ZNF385D: variants seen among roughly 807,000 people sequenced by gnomAD.
ZNF385D encodes zinc finger protein 385D.
A neutral mutation model predicts 35.8 loss-of-function variants in ZNF385D; 15 were observed. The ratio of observed to expected loss-of-function variants is 0.42; its 90% CI spans 0.28 to 0.64. ZNF385D has a LOEUF of 0.64. Ranked by LOEUF, ZNF385D falls within the 30% of genes least tolerant of loss-of-function variation. ZNF385D has a pLI of 0.23. For synonymous variants in ZNF385D, 212 were observed against 186.8 expected (o/e 1.13, Z -1.10); for missense variants, 474 against 494.6 (o/e 0.96, Z 0.39).
intron 3 of ZNF385D, among the ~76,000 whole-genome samples, chr3:22,094,422 G>A (rs1027547485): frequency 2.0e-4 from 14 of 71,238 alleles, no homozygotes; most frequent in African/African-American, 6.3e-4. Flanking sequence ...AGGCATTTGT[G>A]TCATATGAGT....
At chr3:22,023,390 A>G (rs1697338591) in intron 3 of ZNF385D, among the ~76,000 whole-genome samples, 1 of 152,192 alleles carries the variant, frequency 6.6e-6, no homozygotes, top group South Asian at 2.1e-4. Context: ...TCATGCACAT[A>G]TCATGTTTAT....
chr3:21,455,172 A>G (rs1318788851), intron 4 of ZNF385D, among the ~76,000 whole-genome samples: 3 of 152,220 alleles, frequency 2.0e-5, no homozygotes, highest in African/African-American at 7.2e-5. Flanking sequence ...AAGGTAATTT[A>G]TAGATTCAAT....
intron 4 of ZNF385D, chr3:21,441,625 A>T: frequency 1.1e-6 from 1 of 905,640 alleles, no homozygotes; most frequent in Non-Finnish European, 1.3e-6. Context: ...CTAAGGTATT[A>T]AGTTGCTTAA....
chr3:21,846,164 T>C (rs1204334346), intron 3 of ZNF385D, among the ~76,000 whole-genome samples: 1 of 152,046 alleles, frequency 6.6e-6, no homozygotes, highest in Non-Finnish European at 1.5e-5. Flanking sequence ...GATATAACTG[T>C]ACAGCTAGGG....
intron 3 of ZNF385D, among the ~76,000 whole-genome samples, chr3:22,148,304 C>T (rs1052664388): frequency 1.3e-5 from 2 of 152,302 alleles, no homozygotes; most frequent in African/African-American, 4.8e-5. Context: ...GTAGATTTGA[C>T]TTAAATAAGT....
intron 2 of ZNF385D, among the ~76,000 whole-genome samples, chr3:22,331,827 C>T (rs928614843): frequency 6.6e-6 from 1 of 152,088 alleles, no homozygotes; most frequent in Non-Finnish European, 1.5e-5. Context: ...TAATTGAATT[C>T]GTAATCATCA....
intron 3 of ZNF385D, among the ~76,000 whole-genome samples, chr3:21,841,828 A>G (rs909604026): frequency 6.6e-6 from 1 of 151,706 alleles, no homozygotes; most frequent in Non-Finnish European, 1.5e-5. Context: ...GTAAATTCGC[A>G]ATTCATACAT....
intron 3 of ZNF385D, among the ~76,000 whole-genome samples, chr3:21,761,137 T>C (rs1023019480): frequency 6.6e-6 from 1 of 152,136 alleles, no homozygotes; most frequent in African/African-American, 2.4e-5. Flanking sequence ...AGTACCAACT[T>C]GCCATGTATG....
chr3:22,242,879 A>G (rs1699573796), intron 2 of ZNF385D, among the ~76,000 whole-genome samples: 1 of 151,104 alleles, frequency 6.6e-6, no homozygotes, highest in Middle Eastern at 3.2e-3. Flanking sequence ...GAAGAGGGGT[A>G]TACAGAAACT....
At chr3:22,148,497 T>C (rs1325594680) in intron 3 of ZNF385D, among the ~76,000 whole-genome samples, 1 of 152,174 alleles carries the variant, frequency 6.6e-6, no homozygotes, top group Non-Finnish European at 1.5e-5. Context: ...TAAAAATAAC[T>C]ATCAAGCAAT....
intron 2 of ZNF385D, among the ~76,000 whole-genome samples, chr3:22,310,971 A>G (rs1433890593): frequency 1.3e-5 from 2 of 151,888 alleles, no homozygotes; most frequent in Non-Finnish European, 2.9e-5. Context: ...AATTTTATGA[A>G]AAATTTATCA....
intron 2 of ZNF385D, among the ~76,000 whole-genome samples, chr3:22,275,092 A>AAC (rs1701362413): frequency 1.3e-5 from 2 of 152,086 alleles, no homozygotes; most frequent in Non-Finnish European, 2.9e-5. Flanking sequence ...TCTCACACAT[A>AAC]ACTAGTGGTA....
At chr3:22,007,394 ATATT>A (rs1446605145) in intron 3 of ZNF385D, among the ~76,000 whole-genome samples, 46 of 152,278 alleles carry the variant, frequency 3.0e-4, no homozygotes, top group African/African-American at 9.6e-4. Flanking sequence ...ACTTTTATGG[ATATT>A]TATTTAGTTT....
intron 1 of ZNF385D, among the ~76,000 whole-genome samples, chr3:21,731,685 C>G (rs568531381): frequency 6.6e-6 from 1 of 152,264 alleles, no homozygotes; most frequent in East Asian, 1.9e-4. Context: ...TAACCCCTGG[C>G]AATCCCACTA....
intron 3 of ZNF385D, among the ~76,000 whole-genome samples, chr3:21,765,999 T>C (rs554537133): frequency 1.1e-4 from 16 of 152,204 alleles, no homozygotes; most frequent in East Asian, 1.9e-4. Flanking sequence ...TACCAGCTTT[T>C]TGACTACATG....
chr3:21,954,622 T>C (rs1017478326), intron 3 of ZNF385D, among the ~76,000 whole-genome samples: 1 of 152,150 alleles, frequency 6.6e-6, no homozygotes, highest in Non-Finnish European at 1.5e-5. Context: ...TTAATAGTTA[T>C]ATCCTAACAA....
At chr3:21,877,630 A>C (rs1372982745) in intron 3 of ZNF385D, among the ~76,000 whole-genome samples, 1 of 152,074 alleles carries the variant, frequency 6.6e-6, no homozygotes, top group Admixed American at 6.6e-5. Context: ...TCTGGATTAT[A>C]AACTATTTTT....
At chr3:22,086,374 T>C (rs1686506934) in intron 3 of ZNF385D, among the ~76,000 whole-genome samples, 1 of 152,180 alleles carries the variant, frequency 6.6e-6, no homozygotes, top group South Asian at 2.1e-4. Flanking sequence ...ACAAAATCAA[T>C]GTGCAAAAAT....
At position 21,917,065 on chromosome 3, in the gene ZNF385D, CA is replaced by C. The variant is rs1700223888; in HGVS notation, c.325+251751del. Among the ~76,000 whole-genome samples, 4 of 152,034 alleles carry C rather than the reference CA, an allele frequency of 2.6e-5. No homozygotes were observed. The South Asian group carries it at 8.3e-4, about 32-fold the overall frequency. Reference sequence around the variant, plus strand: ...TAGTTTGAAGGGAAGAAAGAGAATCCATTAAATAGAGTCCATTAAAGAATTA... The same window carrying C: ...TAGTTTGAAGGGAAGAAAGAGAATCCTTAAATAGAGTCCATTAAAGAATTA... On this transcript the variant is annotated intron_variant, in intron 3 of 5. Transcript: ENST00000494108.
Sources: allele counts gnomAD v4.1 joint callset (sites outside exome capture counted in the v4.1 genomes callset), GRCh38; gene constraint gnomAD v4.1.1; transcripts MANE v1.5; gene names NCBI Gene and HGNC (gene_info 2026-07-23, HGNC 2026-07-21).